The following ABCA1 variants were observed in gnomAD, a reference collection of about 807,000 sequenced individuals.
The protein encoded by ABCA1 is ATP binding cassette subfamily A member 1, also known as phospholipid-transporting ATPase ABCA1.
ABCA1 carries 133 observed loss-of-function variants against 262.5 expected under a neutral mutation model. The observed-to-expected ratio is 0.51, with a 90% CI of 0.44 to 0.59. The LOEUF (loss-of-function observed/expected upper bound fraction) is 0.59. ABCA1 is among the 20% of genes least tolerant of loss of function. ABCA1 has a pLI of 0.00. For missense variants in ABCA1, 2,452 were observed against 2,777.5 expected (o/e 0.88, Z 2.63); for synonymous variants, 1,022 against 1,043.5 (o/e 0.98, Z 0.40).
At chr9:104,887,075 C>T (rs762937533) in intron 3 of ABCA1, among the ~76,000 whole-genome samples, 2 of 152,148 alleles carry the variant, frequency 1.3e-5, no homozygotes, top group Admixed American at 6.5e-5. Flanking sequence ...GCCAGGAGTT[C>T]GAGACCAGTG....
chr9:104,824,686 G>A (rs968990319), intron 17 of ABCA1, 108 bp from the exon 18 acceptor site: 4 of 1,269,528 alleles, frequency 3.2e-6, no homozygotes, highest in South Asian at 1.3e-5. Context: ...AGAAGGAACA[G>A]ATTTGAATGG....
intron 5 of ABCA1, among the ~76,000 whole-genome samples, chr9:104,880,472 G>A (rs975472198): frequency 6.6e-6 from 1 of 150,464 alleles, no homozygotes. Flanking sequence ...GGGCACCACT[G>A]CACTCTAGCC....
At chr9:104,842,492 A>G (rs1044350964) in intron 8 of ABCA1, among the ~76,000 whole-genome samples, 4 of 152,112 alleles carry the variant, frequency 2.6e-5, no homozygotes, top group African/African-American at 7.2e-5. Context: ...AGCACCATAA[A>G]TTATTGAGTT....
chr9:104,853,957 T>C (rs1835609830), intron 7 of ABCA1, among the ~76,000 whole-genome samples: 1 of 152,128 alleles, frequency 6.6e-6, no homozygotes, highest in Non-Finnish European at 1.5e-5. Flanking sequence ...ACTGTGTAGA[T>C]GTAATTAAAG....
intron 44 of ABCA1, 119 bp downstream of exon 44, chr9:104,790,803 T>A (rs981995880): frequency 2.7e-6 from 2 of 739,696 alleles, no homozygotes; most frequent in East Asian, 5.1e-5. Context: ...CCCTTTACTA[T>A]ATTTCAACAT....
intron 1 of ABCA1, among the ~76,000 whole-genome samples, chr9:104,913,518 G>T (rs1179507208): frequency 2.6e-5 from 4 of 152,178 alleles, no homozygotes; most frequent in Non-Finnish European, 5.9e-5. Context: ...ACACAGAGTG[G>T]GTGGTTTATT....
At chr9:104,795,311 A>G (rs1829802421) in intron 39 of ABCA1, among the ~76,000 whole-genome samples, 1 of 152,226 alleles carries the variant, frequency 6.6e-6, no homozygotes, top group African/African-American at 2.4e-5. Flanking sequence ...GGGTATGGAC[A>G]GGAAGAGTTG....
chr9:104,886,574 T>A (rs937775387), intron 3 of ABCA1, among the ~76,000 whole-genome samples: 2 of 152,156 alleles, frequency 1.3e-5, no homozygotes, highest in African/African-American at 4.8e-5. Flanking sequence ...ACCAAAAGAT[T>A]CTCCCCTTTC....
At chr9:104,883,301 C>T (rs1393355010) in intron 4 of ABCA1, 144 bp from the exon 5 acceptor site, 11 of 733,260 alleles carry the variant, frequency 1.5e-5, no homozygotes, top group Non-Finnish European at 2.5e-5. Flanking sequence ...CCATGGCTCC[C>T]CACACCCAGC....
chr9:104,879,965 A>G (rs902494523), intron 5 of ABCA1, among the ~76,000 whole-genome samples: 1 of 152,250 alleles, frequency 6.6e-6, no homozygotes, highest in Non-Finnish European at 1.5e-5. Flanking sequence ...AAAACAGGGA[A>G]AGAAAAACAT....
chr9:104,909,609 C>CAT (rs1432715350), intron 1 of ABCA1, among the ~76,000 whole-genome samples: 1 of 26,108 alleles, frequency 3.8e-5, no homozygotes, highest in African/African-American at 1.7e-4. Context: ...AAAAGAAATA[C>CAT]ACACACACAC....
chr9:104,900,737 C>G (rs1235414810), intron 2 of ABCA1, among the ~76,000 whole-genome samples: 1 of 152,204 alleles, frequency 6.6e-6, no homozygotes, highest in Non-Finnish European at 1.5e-5. Flanking sequence ...CCTGTGCCCC[C>G]CTGAGCCCCA....
At chr9:104,837,168 C>G in intron 10 of ABCA1, 72 bp from the exon 11 acceptor site, 1 of 1,307,698 alleles carries the variant, frequency 7.6e-7, no homozygotes, top group Non-Finnish European at 1.1e-6. Flanking sequence ...TTTGGCTCCT[C>G]CCTGAAAAGA....
chr9:104,902,270 C>T (rs1840725915), intron 2 of ABCA1, among the ~76,000 whole-genome samples: 1 of 152,166 alleles, frequency 6.6e-6, no homozygotes, highest in Admixed American at 6.5e-5. Context: ...GATTTCAAAG[C>T]CCAAGTTTAT....
chr9:104,813,150 G>A (rs1408499899), intron 27 of ABCA1, among the ~76,000 whole-genome samples: 1 of 152,140 alleles, frequency 6.6e-6, no homozygotes, highest in Non-Finnish European at 1.5e-5. Context: ...TTGGTAAAAC[G>A]TGGACACATT....
chr9:104,889,036 C>G (rs1839467394), intron 3 of ABCA1, 66 bp downstream of exon 3: 1 of 1,387,244 alleles, frequency 7.2e-7, no homozygotes, highest in Non-Finnish European at 1.0e-6. Flanking sequence ...TCCAATTTAG[C>G]CCACGTTAAT....
In ABCA1 at chr9:104,798,491, G is replaced by C. The variant is rs779451589; in HGVS notation, c.5051C>G (p.Ala1684Gly). The change falls in exon 37 of 50, where the codon GCA (alanine) becomes GGA (glycine). Residue 1684 changes from alanine to glycine, a missense_variant. Around this residue, in one of 4 missense-constraint regions of ABCA1, gnomAD observed 752 missense variants for 944.5 expected, o/e 0.80. Coordinates refer to ENST00000374736, the MANE Select transcript of ABCA1 (RefSeq NM_005502.4). ...VFLIQERVSKAKHLQFISGVK... is the reference protein window; with the variant it reads ...VFLIQERVSKGKHLQFISGVK... ...TCCACTGATGAACTGCAGGTGTTTT[G>C]CTTTGCTGACCCGCTCCTGGATCAG... The C allele has an allele frequency of 6.2e-7, 1 of 1,614,184 alleles. No homozygotes were observed. The highest frequency in any genetic ancestry group is 8.5e-7 in the Non-Finnish European group (1 of 1,180,016).
chr9:104,879,136 T>C (rs1414217870), intron 5 of ABCA1, among the ~76,000 whole-genome samples: 1 of 151,908 alleles, frequency 6.6e-6, no homozygotes, highest in Non-Finnish European at 1.5e-5. Context: ...GGCAGTCTCC[T>C]CCACTAAGAT....
At chr9:104,879,060 C>T (rs750940354) in intron 5 of ABCA1, among the ~76,000 whole-genome samples, 15 of 148,864 alleles carry the variant, frequency 1.0e-4, no homozygotes, top group Admixed American at 7.4e-4. Flanking sequence ...GGTGACAGAG[C>T]GAGGCTCTGT....
Sources: gnomAD v4.1 joint callset for allele counts (sites outside exome capture counted in the v4.1 genomes callset) on GRCh38, gnomAD v4.1.1 for gene constraint, gnomAD v4.1.1 regional missense constraint, MANE v1.5 for transcripts, NCBI Gene and HGNC (gene_info 2026-07-23, HGNC 2026-07-21) for gene names.